Variants in ULK4 observed in about 807,000 individuals in gnomAD.
ULK4 encodes the protein unc-51 like kinase 4, also known as inactive serine/threonine-protein kinase ULK4.
Under a neutral mutation model 160.6 loss-of-function variants are expected in ULK4, and 133 were observed. The observed-to-expected ratio is 0.83, with a 90% CI of 0.72 to 0.96. ULK4 has a LOEUF of 0.96. Ranked by LOEUF, ULK4 falls within the 40% of genes least tolerant of loss-of-function variation. ULK4 has a pLI of 0.00. For synonymous variants in ULK4, 534 were observed against 539.8 expected (o/e 0.99, Z 0.15); for missense variants, 1,580 against 1,499.5 (o/e 1.05, Z -0.89).
intron 29 of ULK4, among the ~76,000 whole-genome samples, chr3:41,668,368 C>T (rs986720828): frequency 2.0e-5 from 3 of 152,182 alleles, no homozygotes; most frequent in Non-Finnish European, 2.9e-5. Flanking sequence ...TGGTCAACAA[C>T]AGATGGCATA....
intron 30 of ULK4, among the ~76,000 whole-genome samples, chr3:41,642,221 G>T (rs531279375): frequency 6.6e-6 from 1 of 151,878 alleles, no homozygotes; most frequent in Non-Finnish European, 1.5e-5. Context: ...TAAGTTTTAG[G>T]GTACATGTGC....
intron 20 of ULK4, among the ~76,000 whole-genome samples, chr3:41,799,027 CATT>C (rs1002486864): frequency 6.6e-5 from 10 of 152,192 alleles, no homozygotes; most frequent in African/African-American, 2.4e-4. Context: ...GGATAGTTCT[CATT>C]AGATGTCTTC....
intron 5 of ULK4, among the ~76,000 whole-genome samples, chr3:41,925,785 A>G (rs1361346558): frequency 6.6e-5 from 10 of 152,096 alleles, no homozygotes; most frequent in Admixed American, 1.3e-4. Flanking sequence ...ACAAAGCCAC[A>G]TGGAAGAGCG....
chr3:41,351,514 C>A (rs192180232), intron 35 of ULK4, among the ~76,000 whole-genome samples: 3 of 152,208 alleles, frequency 2.0e-5, no homozygotes, highest in African/African-American at 7.2e-5. Context: ...ATTAGAACCT[C>A]CAGGGATTCC....
intron 30 of ULK4, among the ~76,000 whole-genome samples, chr3:41,636,713 G>A (rs1430252819): frequency 1.3e-5 from 2 of 151,732 alleles, no homozygotes; most frequent in Admixed American, 6.6e-5. Context: ...CCATTAACTC[G>A]TCATTTAGCA....
chr3:41,897,513 C>A (rs1334786960), intron 14 of ULK4, among the ~76,000 whole-genome samples: 3 of 152,086 alleles, frequency 2.0e-5, no homozygotes, highest in Non-Finnish European at 4.4e-5. Context: ...TGTGATACCC[C>A]CTAAAATTAA....
chr3:41,547,416 C>T (rs1170717761), intron 32 of ULK4, among the ~76,000 whole-genome samples: 3 of 152,136 alleles, frequency 2.0e-5, no homozygotes, highest in Non-Finnish European at 4.4e-5. Context: ...CAGCCACTGC[C>T]ACCCAGCCAG....
chr3:41,686,510 G>A (rs1265760694), intron 27 of ULK4, among the ~76,000 whole-genome samples: 1 of 152,100 alleles, frequency 6.6e-6, no homozygotes, highest in Non-Finnish European at 1.5e-5. Flanking sequence ...GATATTTAGA[G>A]TAACTTACTT....
At chr3:41,408,035 C>G (rs907362968) in intron 34 of ULK4, among the ~76,000 whole-genome samples, 1 of 151,946 alleles carries the variant, frequency 6.6e-6, no homozygotes, top group African/African-American at 2.4e-5. Context: ...TATTTCTATA[C>G]ACTAACAATG....
At chr3:41,919,056 TACAC>T (rs1421606789) in intron 6 of ULK4, among the ~76,000 whole-genome samples, 1 of 152,130 alleles carries the variant, frequency 6.6e-6, no homozygotes, top group Non-Finnish European at 1.5e-5. Flanking sequence ...TCCTAACAAA[TACAC>T]AAACACACAT....
At chr3:41,395,420 C>T (rs2082037566) in intron 35 of ULK4, among the ~76,000 whole-genome samples, 1 of 152,086 alleles carries the variant, frequency 6.6e-6, no homozygotes, top group Admixed American at 6.6e-5. Flanking sequence ...ATGTGGTATA[C>T]ACACACAATG....
At chr3:41,543,339 G>GTA (rs1459513466) in intron 32 of ULK4, among the ~76,000 whole-genome samples, 2 of 152,010 alleles carry the variant, frequency 1.3e-5, no homozygotes, top group African/African-American at 2.4e-5. Context: ...GGAGCCTCAT[G>GTA]TATATATATA....
At chr3:41,465,120 ACC>A (rs2083796353) in intron 32 of ULK4, among the ~76,000 whole-genome samples, 1 of 152,094 alleles carries the variant, frequency 6.6e-6, no homozygotes, top group African/African-American at 2.4e-5. Context: ...CGCCAGCAAA[ACC>A]CATTAATATG....
chr3:41,832,422 G>A (rs1244508477), intron 18 of ULK4, among the ~76,000 whole-genome samples: 1 of 152,110 alleles, frequency 6.6e-6, no homozygotes, highest in Non-Finnish European at 1.5e-5. Context: ...TAAGTTCCTT[G>A]TAGATTCTGG....
intron 34 of ULK4, among the ~76,000 whole-genome samples, chr3:41,446,220 G>C (rs1020303416): frequency 6.6e-6 from 1 of 152,114 alleles, no homozygotes; most frequent in African/African-American, 2.4e-5. Flanking sequence ...AAAAAGTCAG[G>C]AAACAACAGG....
intron 30 of ULK4, among the ~76,000 whole-genome samples, chr3:41,625,409 C>G (rs2033456362): frequency 6.6e-6 from 1 of 152,170 alleles, no homozygotes; most frequent in South Asian, 2.1e-4. Flanking sequence ...CATCTCCTCT[C>G]ACACAAGCAT....
chr3:41,432,195 A>G (rs961407613), intron 34 of ULK4, among the ~76,000 whole-genome samples: 2 of 152,150 alleles, frequency 1.3e-5, no homozygotes, highest in Non-Finnish European at 2.9e-5. Context: ...CTGAGATACT[A>G]AAGACCAGTA....
At chr3:41,787,413 T>C (rs2040028345) in intron 21 of ULK4, among the ~76,000 whole-genome samples, 1 of 152,086 alleles carries the variant, frequency 6.6e-6, no homozygotes, top group African/African-American at 2.4e-5. Flanking sequence ...CCTCGCACTC[T>C]CACCCAGCAG....
chr3:41,550,492 TATAAG>T (rs1372369678), intron 32 of ULK4, among the ~76,000 whole-genome samples: 1 of 151,928 alleles, frequency 6.6e-6, no homozygotes, highest in Non-Finnish European at 1.5e-5. Flanking sequence ...GCTACATTTA[TATAAG>T]ATAAAATACA....
Sources: gnomAD v4.1 joint callset for allele counts (sites outside exome capture counted in the v4.1 genomes callset) on GRCh38, gnomAD v4.1.1 for gene constraint, MANE v1.5 for transcripts, NCBI Gene and HGNC (gene_info 2026-07-23, HGNC 2026-07-21) for gene names.